The following PHACTR3 variants were observed in gnomAD, a reference collection of about 807,000 sequenced individuals.
The protein encoded by PHACTR3 is protein phosphatase 1, regulatory subunit 123.
In PHACTR3, 16 loss-of-function variants were observed where a neutral mutation model predicts 66.8. The ratio of observed to expected loss-of-function variants is 0.24; its 90% CI spans 0.16 to 0.36. The LOEUF is 0.36. Ranked by LOEUF, PHACTR3 falls within the 10% of genes least tolerant of loss-of-function variation. The probability of loss-of-function intolerance (pLI) is 1.00; values close to 1 mark genes in which losing one functional copy is unlikely to be tolerated. For synonymous variants in PHACTR3, 323 were observed against 292.1 expected (o/e 1.11, Z -1.08); for missense variants, 647 against 719.9 (o/e 0.90, Z 1.16).
intron 8 of PHACTR3, among the ~76,000 whole-genome samples, chr20:59,823,923 A>G (rs1212800726): frequency 1.3e-5 from 2 of 152,276 alleles, no homozygotes; most frequent in African/African-American, 2.4e-5. Flanking sequence ...GTTTGGGAAC[A>G]GAAGCAACCA....
chr20:59,585,384 G>A (rs576570985), intron 1 of PHACTR3, among the ~76,000 whole-genome samples: 10 of 152,252 alleles, frequency 6.6e-5, no homozygotes, highest in African/African-American at 2.4e-4. Context: ...CTGGTTTCTG[G>A]CAGATTTCGA....
intron 1 of PHACTR3, among the ~76,000 whole-genome samples, chr20:59,705,293 G>A (rs1421927150): frequency 6.6e-6 from 1 of 152,146 alleles, no homozygotes; most frequent in Non-Finnish European, 1.5e-5. Context: ...ATAATTCTAA[G>A]TTTAAACGTT....
intron 3 of PHACTR3, among the ~76,000 whole-genome samples, chr20:59,754,624 C>T (rs1435068587): frequency 6.6e-6 from 1 of 152,238 alleles, no homozygotes; most frequent in East Asian, 1.9e-4. Flanking sequence ...CCATGACAAC[C>T]CCTGCATCTC....
At chr20:59,780,587 C>T (rs547155550) in intron 7 of PHACTR3, among the ~76,000 whole-genome samples, 107 of 152,254 alleles carry the variant, frequency 7.0e-4, no homozygotes, top group Non-Finnish European at 8.4e-4. Flanking sequence ...CCCTACCCCC[C>T]GAATACCATC....
chr20:59,631,474 G>A (rs2034661050), intron 1 of PHACTR3, among the ~76,000 whole-genome samples: 1 of 152,158 alleles, frequency 6.6e-6, no homozygotes, highest in Admixed American at 6.5e-5. Flanking sequence ...GGTAGCTATG[G>A]AGGGAGGAGA....
intron 1 of PHACTR3, among the ~76,000 whole-genome samples, chr20:59,723,058 TTCTC>T (rs113592082): frequency 1.9e-4 from 24 of 124,894 alleles, no homozygotes; most frequent in African/African-American, 7.2e-4. Flanking sequence ...CTTTCTTTCT[TTCTC>T]TTTCTTTCTT....
chr20:59,638,165 A>C (rs1215391322), intron 1 of PHACTR3, among the ~76,000 whole-genome samples: 2 of 152,200 alleles, frequency 1.3e-5, no homozygotes, highest in Non-Finnish European at 2.9e-5. Context: ...AAGCTGTCTT[A>C]GCATGTTGAA....
Position 59,676,638 on chromosome 20 carries a change from G to C in PHACTR3, c.119-66469G>C, listed in dbSNP as rs991831611. On this transcript the variant is annotated intron_variant, in intron 1 of 12. Transcript: ENST00000371015. ...AGGAGCAAGTGAGAGTGCCAGGGCT[G>C]TGAGGGCTCTTTGCCAATCTTGACC... is the stretch of plus-strand genomic sequence containing the variant. 1.7e-5 allele frequency: 16 copies of C among 962,796 alleles called. No individual in the cohort carries two copies. In the African/African-American group the frequency reaches 2.8e-4, roughly 17 times the overall value. 59.6% of individuals were successfully genotyped at this position (962,796 alleles called of 1,614,324 possible).
chr20:59,790,856 C>A (rs912936810), intron 7 of PHACTR3, among the ~76,000 whole-genome samples: 1 of 150,628 alleles, frequency 6.6e-6, no homozygotes, highest in Non-Finnish European at 1.5e-5. Flanking sequence ...TTCCTTAATA[C>A]TATTAGGCTT....
chr20:59,623,524 A>G (rs1358557999), intron 1 of PHACTR3, among the ~76,000 whole-genome samples: 1 of 152,190 alleles, frequency 6.6e-6, no homozygotes, highest in African/African-American at 2.4e-5. Context: ...GTACGCTCTC[A>G]GGAAATTTCT....
chr20:59,675,171 CCT>C (rs752117258), intron 1 of PHACTR3, among the ~76,000 whole-genome samples: 11 of 120,336 alleles, frequency 9.1e-5, no homozygotes, highest in Non-Finnish European at 1.7e-4. Context: ...CCTTCCCCCT[CCT>C]CCCCTCCACT....
At chr20:59,709,214 C>G (rs1230608960) in intron 1 of PHACTR3, among the ~76,000 whole-genome samples, 3 of 152,190 alleles carry the variant, frequency 2.0e-5, no homozygotes, top group Non-Finnish European at 4.4e-5. Flanking sequence ...TCCCAGTTGG[C>G]TTCATCTGCC....
intron 7 of PHACTR3, among the ~76,000 whole-genome samples, chr20:59,775,122 C>A (rs900922832): frequency 6.6e-6 from 1 of 151,618 alleles, no homozygotes; most frequent in African/African-American, 2.4e-5. Context: ...TTGAGGACTC[C>A]GGGGCTCGGG....
chr20:59,781,355 C>T (rs1387373430), intron 7 of PHACTR3, among the ~76,000 whole-genome samples: 1 of 152,218 alleles, frequency 6.6e-6, no homozygotes, highest in Admixed American at 6.5e-5. Context: ...CATGAGCCAC[C>T]CGTCCCAGAC....
intron 1 of PHACTR3, among the ~76,000 whole-genome samples, chr20:59,581,117 C>A (rs909393439): frequency 5.4e-5 from 8 of 149,290 alleles, no homozygotes; most frequent in Non-Finnish European, 1.0e-4. Flanking sequence ...CGCAGAAGGA[C>A]ATGGGTACTG....
At position 59,736,264 on chromosome 20, in the gene PHACTR3, GC is replaced by G. The variant is rs2038939481; in HGVS notation, c.119-6842del. Among the ~76,000 whole-genome samples, 3 of 152,144 alleles carry G rather than the reference GC, an allele frequency of 2.0e-5. No homozygotes were observed. Among genetic ancestry groups the G allele is most frequent in the Non-Finnish European group, 4.4e-5 (3 of 68,014 alleles). On this transcript the variant is annotated intron_variant, in intron 1 of 12. Coordinates refer to ENST00000371015, the MANE Select transcript of PHACTR3 (RefSeq NM_080672.5). This position sits in a 1 kb window ranked among gnomAD's most constrained non-coding sequence, Gnocchi z 4.6. ...GGTGGCAGAGGTGCAGTGGAACCTG[GC>G]ACTACTGTTATTCAGAGGCTGGGGG... is the stretch of plus-strand genomic sequence containing the variant.
At chr20:59,789,491 C>T (rs1260492720) in intron 7 of PHACTR3, among the ~76,000 whole-genome samples, 2 of 152,150 alleles carry the variant, frequency 1.3e-5, no homozygotes, top group Non-Finnish European at 1.5e-5. Flanking sequence ...CTTGAAATCC[C>T]ACAAAGACCA....
At chr20:59,612,370 T>G (rs1303063751) in intron 1 of PHACTR3, among the ~76,000 whole-genome samples, 1 of 151,424 alleles carries the variant, frequency 6.6e-6, no homozygotes, top group East Asian at 1.9e-4. Context: ...CTTTTTTTTT[T>G]TTTTTTCCAG....
chr20:59,634,786 C>A (rs1159485130), intron 1 of PHACTR3, among the ~76,000 whole-genome samples: 2 of 152,178 alleles, frequency 1.3e-5, no homozygotes, highest in African/African-American at 4.8e-5. Flanking sequence ...GCCATGCCGC[C>A]CGGGATTGCG....
Sources: gnomAD v4.1 joint callset for allele counts (sites outside exome capture counted in the v4.1 genomes callset) on GRCh38, gnomAD v4.1.1 for gene constraint, Gnocchi (gnomAD v3.1) non-coding constraint, MANE v1.5 for transcripts, NCBI Gene and HGNC (gene_info 2026-07-23, HGNC 2026-07-21) for gene names.